Variants in CHD7 observed in about 807,000 individuals in gnomAD.
The protein encoded by CHD7 is ATP-dependent chromatin remodeler CHD7.
In CHD7, 24 loss-of-function variants were observed where a neutral mutation model predicts 307.3. That is an observed-to-expected ratio of 0.08 (90% CI 0.06 to 0.11). The LOEUF (loss-of-function observed/expected upper bound fraction) is 0.11, where lower values mean the gene tolerates loss of function less well. CHD7 is among the 10% of genes least tolerant of loss of function. The pLI is 1.00. For missense variants in CHD7, 3,106 were observed against 3,727.1 expected (o/e 0.83, Z 4.34); for synonymous variants, 1,363 against 1,349.9 (o/e 1.01, Z -0.21).
chr8:60,860,790 C>CT, intron 34 of CHD7, 114 bp from the exon 35 acceptor site: 1 of 813,390 alleles, frequency 1.2e-6, no homozygotes, highest in Admixed American at 2.7e-5. Flanking sequence ...TTTCTAGTAA[C>CT]TATTTTCTCT....
In CHD7 at chr8:60,866,083, G is replaced by T. The variant is rs978141050; in HGVS notation, c.*150G>T. 4 of 649,514 alleles carry T rather than the reference G, an allele frequency of 6.2e-6. No homozygotes were observed. Among genetic ancestry groups the T allele is most frequent in the Non-Finnish European group, 1.1e-5 (4 of 375,790 alleles). The allele number at this position is 649,514 out of a possible 1,614,324, so 40.2% of individuals were successfully genotyped here. ...AAAGTTCAAGTCATGTTATACAGGT[G>T]TGTCAAAAGGTATCTTGGTCATTAA... On this transcript the variant is annotated 3_prime_UTR_variant, in exon 38 of 38. Transcript: ENST00000423902.
At chr8:60,740,689 G>A (rs1440899356) in intron 1 of CHD7, among the ~76,000 whole-genome samples, 1 of 152,182 alleles carries the variant, frequency 6.6e-6, no homozygotes, top group African/African-American at 2.4e-5. Flanking sequence ...CAGTTACATA[G>A]TTGTATGTGG....
intron 5 of CHD7, 118 bp from the exon 6 acceptor site, chr8:60,801,410 T>C (rs1462665488): frequency 1.4e-6 from 1 of 721,622 alleles, no homozygotes; most frequent in African/African-American, 1.8e-5. Flanking sequence ...CACTGATAAC[T>C]TTGTACCCAG....
At chr8:60,757,793 A>T (rs1404741244) in intron 2 of CHD7, among the ~76,000 whole-genome samples, 1 of 152,244 alleles carries the variant, frequency 6.6e-6, no homozygotes, top group East Asian at 1.9e-4. Context: ...AGTTAATAAA[A>T]TGAGGCATGA....
At position 60,857,977 on chromosome 8, in the gene CHD7, C is replaced by T. The variant is rs115711023; in HGVS notation, c.7608+1089C>T. 8.9e-3 allele frequency among the ~76,000 whole-genome samples: 1,360 copies of T among 152,288 alleles called. 32 individuals are homozygous for T. The highest frequency in any genetic ancestry group is 0.031 in the African/African-American group (1,293 of 41,548). ...TAAGAGTAAATTTTCAAAATTGGGC[C>T]GGGCATGGTGGCTCACGCCTGTAAT... On this transcript the variant is annotated intron_variant, in intron 34 of 37. Coordinates refer to ENST00000423902, the MANE Select transcript of CHD7 (RefSeq NM_017780.4).
At chr8:60,713,369 C>A (rs548624997) in intron 1 of CHD7, among the ~76,000 whole-genome samples, 2 of 152,180 alleles carry the variant, frequency 1.3e-5, no homozygotes, top group East Asian at 2.0e-4. Flanking sequence ...GTTGGCCTCC[C>A]AAAGTGCTGG....
intron 3 of CHD7, among the ~76,000 whole-genome samples, chr8:60,786,457 T>G (rs575129355): frequency 6.6e-6 from 1 of 152,356 alleles, no homozygotes; most frequent in East Asian, 1.9e-4. Context: ...GAAATTTGTT[T>G]CTGCCCATCC....
chr8:60,712,496 G>C (rs1807329689), intron 1 of CHD7, among the ~76,000 whole-genome samples: 2 of 152,184 alleles, frequency 1.3e-5, no homozygotes, highest in African/African-American at 2.4e-5. Context: ...TGCCTCATCA[G>C]GTCCATTAAC....
In CHD7 at chr8:60,743,013, T is replaced by C. The variant is rs1809135916; in HGVS notation, c.1581T>C (p.Ser527=). ...CTCACCCGGGCTTGCACCACCAGTCTTCACCTCCACACCCTCATCACCAGC... is the reference window on the plus strand; with the variant it reads ...CTCACCCGGGCTTGCACCACCAGTCCTCACCTCCACACCCTCATCACCAGC... ...LQPHPGLHHQ[S]SPPHPHHQPW... Residue 527 remains serine, a synonymous_variant, in exon 2 of 38, where the codon TCT becomes TCC. Transcript: ENST00000423902. 1 of 1,613,888 alleles carries C rather than the reference T, an allele frequency of 6.2e-7. No individual in the cohort carries two copies. Among genetic ancestry groups the C allele is most frequent in the African/African-American group, 1.3e-5 (1 of 75,008 alleles).
chr8:60,798,577 A>G (rs77171480), intron 4 of CHD7, among the ~76,000 whole-genome samples: 3,208 of 152,264 alleles, frequency 0.021, 97 homozygotes, highest in African/African-American at 0.063. Flanking sequence ...TGACTTGAGA[A>G]ATGGTAGTGC....
chr8:60,787,844 T>G (rs1313676187), intron 3 of CHD7, among the ~76,000 whole-genome samples: 2 of 150,554 alleles, frequency 1.3e-5, no homozygotes, highest in African/African-American at 2.4e-5. Flanking sequence ...TTTTTTTTTT[T>G]TTTTGAAACA....
chr8:60,830,653 G>A (rs1034863197), intron 15 of CHD7, 76 bp downstream of exon 15: 5 of 1,517,672 alleles, frequency 3.3e-6, no homozygotes, highest in African/African-American at 2.7e-5. Flanking sequence ...CCCAGACTGG[G>A]GATTTCATGG....
At chr8:60,769,787 C>G (rs1472070557) in intron 2 of CHD7, among the ~76,000 whole-genome samples, 1 of 152,124 alleles carries the variant, frequency 6.6e-6, no homozygotes, top group Non-Finnish European at 1.5e-5. Flanking sequence ...CAAGGAAATA[C>G]TTGAACCACT....
intron 2 of CHD7, among the ~76,000 whole-genome samples, chr8:60,762,923 A>G (rs1810291901): frequency 6.6e-6 from 1 of 151,762 alleles, no homozygotes; most frequent in African/African-American, 2.4e-5. Context: ...GCTGAGCTAT[A>G]CCTGATGGCT....
chr8:60,825,711 C>T (rs1399383863), intron 13 of CHD7, among the ~76,000 whole-genome samples: 2 of 152,206 alleles, frequency 1.3e-5, no homozygotes, highest in African/African-American at 2.4e-5. Context: ...TCTGACTGAA[C>T]TTATCTGAGT....
chr8:60,735,851 C>G (rs1028514961), intron 1 of CHD7, among the ~76,000 whole-genome samples: 1 of 152,176 alleles, frequency 6.6e-6, no homozygotes, highest in Non-Finnish European at 1.5e-5. Context: ...TAGGCACTGT[C>G]GAGTAGGTAG....
At chr8:60,771,745 A>G (rs192675829) in intron 2 of CHD7, among the ~76,000 whole-genome samples, 5 of 144,718 alleles carry the variant, frequency 3.5e-5, no homozygotes, top group Admixed American at 7.0e-5. Flanking sequence ...CCTATGCTAT[A>G]TGACTTGGGT....
intron 1 of CHD7, among the ~76,000 whole-genome samples, chr8:60,723,645 AG>A (rs1396124865): frequency 2.0e-5 from 3 of 152,270 alleles, no homozygotes; most frequent in Admixed American, 6.5e-5. Context: ...CCTTCAACAT[AG>A]TGACCTTGGA....
intron 1 of CHD7, among the ~76,000 whole-genome samples, chr8:60,699,615 C>T (rs575992741): frequency 6.6e-6 from 1 of 151,968 alleles, no homozygotes; most frequent in East Asian, 1.9e-4. Flanking sequence ...TCCTCTATTT[C>T]CTTCCCTAGA....
Sources: gnomAD v4.1 joint callset for allele counts (sites outside exome capture counted in the v4.1 genomes callset) on GRCh38, gnomAD v4.1.1 for gene constraint, MANE v1.5 for transcripts, NCBI Gene and HGNC (gene_info 2026-07-23, HGNC 2026-07-21) for gene names.